The following SV2B variants were observed in gnomAD, a reference collection of about 807,000 sequenced individuals.
The protein encoded by SV2B is synaptic vesicle glycoprotein 2B, also known as solute carrier family 22 member B2.
In SV2B, 41 loss-of-function variants were observed where a neutral mutation model predicts 73.9. The observed-to-expected ratio is 0.56, with a 90% CI of 0.43 to 0.72. SV2B has a LOEUF of 0.72. Among genes scored for constraint, SV2B ranks in the 30% least tolerant of loss-of-function variants. The probability of loss-of-function intolerance (pLI) is 0.00; values close to 1 mark genes in which losing one functional copy is unlikely to be tolerated. For synonymous variants in SV2B, 314 were observed against 314.2 expected, an observed-to-expected ratio of 1.00 and a Z score of 0.01; for missense variants, 764 against 857.8, an observed-to-expected ratio of 0.89 and a Z score of 1.37.
In SV2B at chr15:91,290,122, A is replaced by AG. The variant is rs1429879978; in HGVS notation, c.1868+446dup. 2.0e-5 allele frequency among the ~76,000 whole-genome samples: 3 copies of AG among 152,178 alleles called. No individual in the cohort carries two copies. The highest frequency in any genetic ancestry group is 7.2e-5 in the African/African-American group (3 of 41,452). The stretch of plus-strand genomic sequence containing the variant: ...TGCAGAGAATGTGGCAGGGAGGCCC[A>AG]GGGGTTACTTTTATTTTGCACAGGT... On this transcript the variant is annotated intron_variant, in intron 12 of 12. Coordinates refer to ENST00000394232, the MANE Select transcript of SV2B (RefSeq NM_001323032.3). This position sits in a 1 kb window ranked among gnomAD's most constrained non-coding sequence, Gnocchi z 4.7.
chr15:91,164,896 G>C (rs1192293842), intron 1 of SV2B, among the ~76,000 whole-genome samples: 1 of 152,208 alleles, frequency 6.6e-6, no homozygotes, highest in Admixed American at 6.5e-5. Context: ...GATTGGATAG[G>C]ACAGAGGGGA....
rs534363766 is a variant in SV2B at position 91,176,011 on chromosome 15, G to A, written c.-391-49862G>A. 5.1e-3 allele frequency among the ~76,000 whole-genome samples: 772 copies of A among 151,788 alleles called. 4 individuals carry two copies. Among genetic ancestry groups the A allele is most frequent in the Middle Eastern group, 0.014 (4 of 294 alleles). On this transcript the variant is annotated intron_variant, in intron 1 of 12. Transcript: ENST00000394232. ...CCATTAACTTGTCATTTAGCATTAG[G>A]TATATCTCCTAATGCTATCCCTCCC... is the stretch of plus-strand genomic sequence containing the variant.
intron 1 of SV2B, among the ~76,000 whole-genome samples, chr15:91,215,157 C>T (rs1017488081): frequency 6.6e-6 from 1 of 152,196 alleles, no homozygotes; most frequent in African/African-American, 2.4e-5. Flanking sequence ...GCACCAGCCC[C>T]TCATCCCCTT....
intron 1 of SV2B, among the ~76,000 whole-genome samples, chr15:91,153,827 AGGG>A: frequency 6.8e-6 from 1 of 146,206 alleles, no homozygotes; most frequent in Non-Finnish European, 1.5e-5. Flanking sequence ...GGGCAGGGGC[AGGG>A]GACAGTAACA....
At chr15:91,125,192 A>G (rs1396850187) in intron 1 of SV2B, among the ~76,000 whole-genome samples, 2 of 152,208 alleles carry the variant, frequency 1.3e-5, no homozygotes, top group African/African-American at 2.4e-5. Context: ...TCATTGTAAC[A>G]TAATTAACTC....
intron 1 of SV2B, among the ~76,000 whole-genome samples, chr15:91,109,626 C>T (rs1421629398): frequency 6.6e-6 from 1 of 152,116 alleles, no homozygotes; most frequent in African/African-American, 2.4e-5. Flanking sequence ...CCAGAATATG[C>T]TCAAGTCAAT....
rs2048671811 is a variant in SV2B at position 91,281,229 on chromosome 15, G to T, written c.1374-499G>T. On this transcript the variant is annotated intron_variant, in intron 9 of 12. Transcript: ENST00000394232. The surrounding 1 kb of genome is among the most constrained non-coding windows in gnomAD (Gnocchi z 4.7). Reference sequence around the variant, plus strand: ...ATTTTGCAAAATTGCTCCCCAAAGAGGCTGCATGGATTATATTCTACCAAT... The same window carrying T: ...ATTTTGCAAAATTGCTCCCCAAAGATGCTGCATGGATTATATTCTACCAAT... Among the ~76,000 whole-genome samples, 1 of 152,148 alleles carries T rather than the reference G, an allele frequency of 6.6e-6. No individual in the cohort carries two copies. Among genetic ancestry groups the T allele is most frequent in the Non-Finnish European group, 1.5e-5 (1 of 68,020 alleles).
chr15:91,270,874 C>T (rs111583191), intron 9 of SV2B, among the ~76,000 whole-genome samples: 1,119 of 80,186 alleles, frequency 0.014, 148 homozygotes, highest in African/African-American at 0.1. Context: ...GATGGGCGGA[C>T]GGTGAATCTT....
chr15:91,279,338 G>T (rs2048608696), intron 9 of SV2B, among the ~76,000 whole-genome samples: 1 of 152,186 alleles, frequency 6.6e-6, no homozygotes. Flanking sequence ...CTAACCATTG[G>T]GCCTGAAGGC....
chr15:91,263,321 C>G (rs1359280373), intron 6 of SV2B, among the ~76,000 whole-genome samples: 2 of 151,146 alleles, frequency 1.3e-5, no homozygotes, highest in Non-Finnish European at 2.9e-5. Flanking sequence ...CACGGACACA[C>G]AGAGGCACAC....
chr15:91,116,801 A>C (rs759969214), intron 1 of SV2B, among the ~76,000 whole-genome samples: 2 of 152,244 alleles, frequency 1.3e-5, no homozygotes, highest in African/African-American at 4.8e-5. Context: ...TCACAGTTCC[A>C]TGTGGCTGGG....
rs1438374061 is a variant in SV2B at position 91,180,746 on chromosome 15, G to C, written c.-391-45127G>C. Among the ~76,000 whole-genome samples the C allele has an allele frequency of 3.9e-5, 6 of 152,248 alleles. No individual in the cohort carries two copies. In the East Asian group the frequency reaches 5.8e-4, roughly 15 times the overall value. ...TGAGCCTTGGCTTTCAGCTCCATCA[G>C]CTCCTTTAAGCACTTCTCTGTATTG... is the stretch of plus-strand genomic sequence containing the variant. On this transcript the variant is annotated intron_variant, in intron 1 of 12. Transcript: ENST00000394232.
At chr15:91,116,777 G>T (rs1055025796) in intron 1 of SV2B, among the ~76,000 whole-genome samples, 1 of 152,210 alleles carries the variant, frequency 6.6e-6, no homozygotes, top group Non-Finnish European at 1.5e-5. Context: ...TAAAGAAAAA[G>T]AGGTTTAATG....
intron 11 of SV2B, among the ~76,000 whole-genome samples, chr15:91,287,994 C>A (rs76220865): frequency 0.043 from 6,569 of 152,136 alleles, 365 homozygotes; most frequent in African/African-American, 0.12. Context: ...CTTCTACCCC[C>A]GGGGAGGAGT....
Position 91,294,824 on chromosome 15 carries a change from T to C in SV2B, c.*2272T>C, listed in dbSNP as rs921990220. On this transcript the variant is annotated 3_prime_UTR_variant, in exon 13 of 13. Transcript: ENST00000394232. This position sits in a 1 kb window ranked among gnomAD's most constrained non-coding sequence, Gnocchi z 4.1. ...GGTTTCCAAGATCTCACTTCTGCATTATCTTTATGGCTCTTTAAACCAGCC... is the reference window on the plus strand; with the variant it reads ...GGTTTCCAAGATCTCACTTCTGCATCATCTTTATGGCTCTTTAAACCAGCC... The C allele has an allele frequency of 6.6e-6, 1 of 152,388 alleles. No homozygotes were observed. Among genetic ancestry groups the C allele is most frequent in the Non-Finnish European group, 1.5e-5 (1 of 68,040 alleles). The allele number at this position is 152,388 out of a possible 1,614,324, so 9.4% of individuals were successfully genotyped here.
rs981308423 is a variant in SV2B, at chr15:91,197,064, C to G, written c.-391-28809C>G. Among the ~76,000 whole-genome samples, 1 of 152,228 alleles carries G rather than the reference C, an allele frequency of 6.6e-6. No individual in the cohort carries two copies. Among genetic ancestry groups the G allele is most frequent in the African/African-American group, 2.4e-5 (1 of 41,458 alleles). On this transcript the variant is annotated intron_variant, in intron 1 of 12. Transcript: ENST00000394232. This position sits in a 1 kb window ranked among gnomAD's most constrained non-coding sequence, Gnocchi z 4.9. ...CTGCCGGCTGTGGCAGCCTTTAGCC[C>G]ATAGATGCTGATCTTTGATGTCAGA...
chr15:91,113,611 C>T (rs2151732216), intron 1 of SV2B, among the ~76,000 whole-genome samples: 1 of 152,220 alleles, frequency 6.6e-6, no homozygotes, highest in Non-Finnish European at 1.5e-5. Context: ...AACTTTTTTC[C>T]CGCGATGAAT....
At chr15:91,286,263 G>A (rs992038485) in intron 11 of SV2B, among the ~76,000 whole-genome samples, 2 of 152,140 alleles carry the variant, frequency 1.3e-5, no homozygotes, top group African/African-American at 2.4e-5. Flanking sequence ...GGGATGTGGC[G>A]GAACCACTTT....
intron 1 of SV2B, among the ~76,000 whole-genome samples, chr15:91,101,441 A>G (rs1250332571): frequency 1.3e-5 from 2 of 152,024 alleles, no homozygotes; most frequent in South Asian, 2.1e-4. Flanking sequence ...AGCACTTAGT[A>G]TTTGTCAGAG....
Sources: allele counts gnomAD v4.1 joint callset (sites outside exome capture counted in the v4.1 genomes callset), GRCh38; gene constraint gnomAD v4.1.1; non-coding constraint Gnocchi (gnomAD v3.1); transcripts MANE v1.5; gene names NCBI Gene and HGNC (gene_info 2026-07-23, HGNC 2026-07-21).